FAM117B: variants seen among roughly 807,000 people sequenced by gnomAD.
The protein encoded by FAM117B is family with sequence similarity 117 member B.
A neutral mutation model predicts 52.8 loss-of-function variants in FAM117B; 22 were observed. The ratio of observed to expected loss-of-function variants is 0.42; its 90% CI spans 0.30 to 0.59. FAM117B has a LOEUF of 0.59. Among genes scored for constraint, FAM117B ranks in the 20% least tolerant of loss-of-function variants. The probability of loss-of-function intolerance (pLI) is 0.22; values close to 1 mark genes in which losing one functional copy is unlikely to be tolerated. For missense variants in FAM117B, 678 were observed against 802.6 expected (o/e 0.84, Z 1.88); for synonymous variants, 309 against 324.1 (o/e 0.95, Z 0.50).
chr2:202,693,934 T>TG (rs1377677465), intron 1 of FAM117B, among the ~76,000 whole-genome samples: 1 of 152,190 alleles, frequency 6.6e-6, no homozygotes, highest in African/African-American at 2.4e-5. Context: ...CACTTTGATT[T>TG]GGGGGCTTAA....
At chr2:202,741,122 C>T (rs1452735625) in intron 4 of FAM117B, among the ~76,000 whole-genome samples, 3 of 151,996 alleles carry the variant, frequency 2.0e-5, no homozygotes, top group Non-Finnish European at 1.5e-5. Flanking sequence ...CAGTTAGAGC[C>T]ATTAGAATTG....
intron 1 of FAM117B, among the ~76,000 whole-genome samples, chr2:202,652,403 T>G (rs866743736): frequency 3.9e-5 from 6 of 152,288 alleles, no homozygotes; most frequent in African/African-American, 1.4e-4. Context: ...CTGGCCTGTT[T>G]ATGTTATTTT....
chr2:202,726,220 C>T (rs372869909), intron 3 of FAM117B, 30 bp from the exon 4 acceptor site: 1 of 1,483,748 alleles, frequency 6.7e-7, no homozygotes, highest in African/African-American at 1.4e-5. Context: ...AGAAAACACT[C>T]TGGTGTACTT....
At chr2:202,723,267 T>C (rs1261864621) in intron 2 of FAM117B, among the ~76,000 whole-genome samples, 1 of 152,238 alleles carries the variant, frequency 6.6e-6, no homozygotes, top group East Asian at 1.9e-4. Flanking sequence ...CATTTGAAAC[T>C]AGACCATTTT....
rs1210575203 is a variant in FAM117B, at chr2:202,757,309, G to C, written c.1201G>C (p.Asp401His). The change falls in exon 6 of 8, where the codon GAC becomes CAC. Residue 401 changes from aspartate to histidine, a missense_variant. By Grantham distance (81) the Asp-to-His change is moderately conservative. Transcript: ENST00000392238. ...SIDTQTPGGA[D>H]RGSNNSSRSQ... Reference sequence around the variant, plus strand: ...TGACACACAGACGCCTGGTGGGGCAGACAGGGGAAGCAACAACAGCAGCCG... The same window carrying C: ...TGACACACAGACGCCTGGTGGGGCACACAGGGGAAGCAACAACAGCAGCCG... 6.2e-7 allele frequency: 1 copy of C among 1,614,122 alleles called. No homozygotes were observed. Among genetic ancestry groups the C allele is most frequent in the Non-Finnish European group, 8.5e-7 (1 of 1,180,036 alleles).
intron 1 of FAM117B, among the ~76,000 whole-genome samples, chr2:202,664,938 C>T (rs1029511955): frequency 6.6e-6 from 1 of 152,096 alleles, no homozygotes; most frequent in African/African-American, 2.4e-5. Context: ...GGAGGAGGCT[C>T]CACTGTGTTT....
At chr2:202,700,540 G>A (rs1030648100) in intron 2 of FAM117B, among the ~76,000 whole-genome samples, 1 of 152,214 alleles carries the variant, frequency 6.6e-6, no homozygotes, top group African/African-American at 2.4e-5. Flanking sequence ...AAGCTAACAG[G>A]TTGGTTCATG....
chr2:202,652,282 G>T (rs1232097630), intron 1 of FAM117B, among the ~76,000 whole-genome samples: 2 of 151,704 alleles, frequency 1.3e-5, no homozygotes, highest in Non-Finnish European at 2.9e-5. Flanking sequence ...TATTTTTTTT[G>T]TAGAGATGGG....
intron 1 of FAM117B, among the ~76,000 whole-genome samples, chr2:202,659,579 G>A (rs1416402710): frequency 7.1e-6 from 1 of 140,720 alleles, no homozygotes; most frequent in African/African-American, 2.6e-5. Flanking sequence ...CCATAGTGCT[G>A]AGATTACAGA....
chr2:202,636,111 G>A (rs1010933536), intron 1 of FAM117B, among the ~76,000 whole-genome samples: 1 of 152,206 alleles, frequency 6.6e-6, no homozygotes, highest in Non-Finnish European at 1.5e-5. Context: ...CTTACTCCTG[G>A]AGGAGTCGTT....
chr2:202,742,659 T>C (rs572057907), intron 4 of FAM117B, among the ~76,000 whole-genome samples: 5 of 152,102 alleles, frequency 3.3e-5, no homozygotes, highest in African/African-American at 1.2e-4. Context: ...CAACAAAAGG[T>C]TGATAAGTTT....
chr2:202,645,531 T>C lies in FAM117B; in HGVS notation c.601+9743T>C, dbSNP rs1342143717. 4.7e-5 allele frequency among the ~76,000 whole-genome samples: 7 copies of C among 149,782 alleles called. No homozygotes were observed. In the South Asian group the frequency reaches 1.1e-3, roughly 23 times the overall value. Reference sequence around the variant, plus strand: ...GTCTTGATCTCCTGACCTCGTGATCTGCCCGCCTCGGCCTCCCAAAGTGCT... The same window carrying C: ...GTCTTGATCTCCTGACCTCGTGATCCGCCCGCCTCGGCCTCCCAAAGTGCT... On this transcript the variant is annotated intron_variant, in intron 1 of 7. Transcript: ENST00000392238.
chr2:202,645,309 G>A (rs1574538804), intron 1 of FAM117B, among the ~76,000 whole-genome samples: 1 of 140,702 alleles, frequency 7.1e-6, no homozygotes, highest in African/African-American at 2.6e-5. Flanking sequence ...GTCTGTTTTT[G>A]AGACAGAGTC....
intron 2 of FAM117B, among the ~76,000 whole-genome samples, chr2:202,711,328 A>G (rs1239970342): frequency 6.6e-5 from 10 of 152,126 alleles, no homozygotes; most frequent in Non-Finnish European, 4.4e-5. Context: ...GCACTTTTAC[A>G]TATACCTGTT....
intron 1 of FAM117B, among the ~76,000 whole-genome samples, chr2:202,676,460 A>G (rs916648091): frequency 6.6e-6 from 1 of 151,158 alleles, no homozygotes; most frequent in African/African-American, 2.4e-5. Context: ...GCTCACCACA[A>G]CCTTTGCCTC....
chr2:202,729,177 A>G (rs1230455694), intron 4 of FAM117B, among the ~76,000 whole-genome samples: 1 of 152,180 alleles, frequency 6.6e-6, no homozygotes, highest in African/African-American at 2.4e-5. Flanking sequence ...ATCTCTACTA[A>G]AAATACAAAA....
intron 4 of FAM117B, among the ~76,000 whole-genome samples, chr2:202,732,288 C>T (rs1054518566): frequency 1.8e-4 from 27 of 152,120 alleles, no homozygotes; most frequent in East Asian, 3.8e-4. Context: ...CCAAATGGCC[C>T]GGCACTTCCT....
chr2:202,676,324 T>C (rs1690378764), intron 1 of FAM117B, among the ~76,000 whole-genome samples: 1 of 151,848 alleles, frequency 6.6e-6, no homozygotes, highest in South Asian at 2.1e-4. Flanking sequence ...TCCAGCTGAA[T>C]CATACCTGGA....
chr2:202,757,342 T>C lies in FAM117B; in HGVS notation c.1234T>C (p.Ser412Pro). The C allele has an allele frequency of 6.2e-7, 1 of 1,614,090 alleles. No individual in the cohort carries two copies. ...AAGCAACAACAGCAGCCGTTCCCAG[T>C]CCGTGTCCCCAACATCGTTCCTCAC... The part of the protein sequence containing the change: ...RGSNNSSRSQ[S>P]VSPTSFLTIS... The change falls in exon 6 of 8, where the codon TCC becomes CCC. Residue 412 changes from serine (S) to proline (P), a missense_variant. This residue lies in a region of FAM117B where 583 missense variants were observed against 644.8 expected (regional missense o/e 0.90). Transcript: ENST00000392238.
Sources: allele counts gnomAD v4.1 joint callset (sites outside exome capture counted in the v4.1 genomes callset), GRCh38; gene constraint gnomAD v4.1.1; regional missense constraint gnomAD v4.1.1; transcripts MANE v1.5; gene names NCBI Gene and HGNC (gene_info 2026-07-23, HGNC 2026-07-21).